Variants in ACO1 observed in about 807,000 individuals in gnomAD.
ACO1 encodes aconitase 1.
Under a neutral mutation model 105.1 loss-of-function variants are expected in ACO1, and 78 were observed. The observed-to-expected ratio is 0.74, with a 90% confidence interval of 0.62 to 0.90. ACO1 has a LOEUF of 0.90. Among genes scored for constraint, ACO1 ranks in the 40% least tolerant of loss-of-function variants. ACO1 has a pLI of 0.00. For missense variants in ACO1, 965 were observed against 1,111.1 expected, an observed-to-expected ratio of 0.87 and a Z score of 1.87; for synonymous variants, 364 against 397.4, an observed-to-expected ratio of 0.92 and a Z score of 1.00.
In ACO1 at chr9:32,443,981, C is replaced by T. The variant is rs551839990; in HGVS notation, c.2370+3394C>T. On this transcript the variant is annotated intron_variant, in intron 19 of 20. Transcript: ENST00000309951. ...GCTATCCCTCCCCTAGCCCCTGACC[C>T]GCCAACAGGCCCCAGTGTGTGATGT... 2.7e-4 allele frequency among the ~76,000 whole-genome samples: 41 copies of T among 152,250 alleles called. No individual in the cohort carries two copies. The South Asian group carries it at 2.9e-3, about 11-fold the overall frequency.
chr9:32,404,252 T>C (rs1821558159), intron 1 of ACO1, among the ~76,000 whole-genome samples: 1 of 152,188 alleles, frequency 6.6e-6, no homozygotes, highest in Admixed American at 6.5e-5. Context: ...TTAAACCTTA[T>C]TTCTTCTCCC....
chr9:32,430,510 C>T lies in ACO1; in HGVS notation c.1662C>T (p.Pro554=). The part of the protein sequence containing the change: ...PNTRANYLAS[P]PLVIAYAIAG... ...CCCGGGCCAACTATTTAGCCTCTCC[C>T]CCCTTAGTAATAGCATATGCAATTG... The change falls in exon 14 of 21, where the codon CCC becomes CCT. Residue 554 remains proline (P), a synonymous_variant. Coordinates refer to ENST00000309951, the MANE Select transcript of ACO1 (RefSeq NM_002197.3). 1 of 1,611,402 alleles carries T rather than the reference C, an allele frequency of 6.2e-7. No individual in the cohort carries two copies. The highest frequency in any genetic ancestry group is 8.5e-7 in the Non-Finnish European group (1 of 1,179,056).
chr9:32,446,512 G>A (rs1822612408), intron 19 of ACO1, among the ~76,000 whole-genome samples: 1 of 152,102 alleles, frequency 6.6e-6, no homozygotes, highest in Admixed American at 6.5e-5. Context: ...TCTGAATGCA[G>A]CACACTGATG....
intron 4 of ACO1, among the ~76,000 whole-genome samples, chr9:32,412,319 G>T (rs1821757766): frequency 6.6e-6 from 1 of 152,182 alleles, no homozygotes; most frequent in South Asian, 2.1e-4. Context: ...GGAATTAAAA[G>T]ATTGGAAAGG....
chr9:32,395,487 C>T (rs1821354514), intron 1 of ACO1, among the ~76,000 whole-genome samples: 1 of 151,926 alleles, frequency 6.6e-6, no homozygotes, highest in African/African-American at 2.4e-5. Flanking sequence ...AAAAACAAAC[C>T]AAAAAACCAA....
At chr9:32,424,996 A>T (rs940313040) in intron 10 of ACO1, among the ~76,000 whole-genome samples, 38 of 151,798 alleles carry the variant, frequency 2.5e-4, no homozygotes, top group African/African-American at 9.2e-4. Context: ...AACTCATATT[A>T]CTCTGTTCTG....
At chr9:32,431,632 C>G in intron 14 of ACO1, 87 bp from the exon 15 acceptor site, 1 of 1,436,254 alleles carries the variant, frequency 7.0e-7, no homozygotes, top group Middle Eastern at 1.8e-4. Flanking sequence ...TAGAACATAA[C>G]TACCGAGGAG....
chr9:32,402,449 G>C (rs578045980), intron 1 of ACO1, among the ~76,000 whole-genome samples: 1 of 152,216 alleles, frequency 6.6e-6, no homozygotes, highest in Non-Finnish European at 1.5e-5. Context: ...CAAGAACAAA[G>C]TAGCAGGAGG....
rs758061524 is a variant in ACO1, at chr9:32,448,893, C to G, written c.2371-3C>G. 6.2e-7 allele frequency: 1 copy of G among 1,614,174 alleles called. No homozygotes were observed. Among genetic ancestry groups the G allele is most frequent in the Non-Finnish European group, 8.5e-7 (1 of 1,180,014 alleles). On this transcript the variant is annotated splice_region_variant and splice_polypyrimidine_tract_variant and intron_variant, in intron 19 of 20. Coordinates refer to ENST00000309951, the MANE Select transcript of ACO1 (RefSeq NM_002197.3). ...TGTCTAAACTACTGTCTTTATTCATCAGGGAATCAAAGCCGTCCTGGCCGA... is the reference window on the plus strand; with the variant it reads ...TGTCTAAACTACTGTCTTTATTCATGAGGGAATCAAAGCCGTCCTGGCCGA...
intron 1 of ACO1, chr9:32,386,550 C>T (rs1362105051): frequency 6.6e-6 from 1 of 152,182 alleles, no homozygotes; most frequent in Non-Finnish European, 1.5e-5. Context: ...CTAACTCCAT[C>T]CTCCCTTTTG....
chr9:32,444,173 G>A (rs59660689), intron 19 of ACO1, among the ~76,000 whole-genome samples: 6,738 of 152,236 alleles, frequency 0.044, 471 homozygotes, highest in African/African-American at 0.15. Flanking sequence ...TGGCTGCATA[G>A]TATTCCATGG....
chr9:32,393,093 A>G (rs1205484784), intron 1 of ACO1, among the ~76,000 whole-genome samples: 1 of 152,228 alleles, frequency 6.6e-6, no homozygotes, highest in Non-Finnish European at 1.5e-5. Flanking sequence ...GGGCTGCTTG[A>G]AAAAAGAACA....
At chr9:32,413,875 C>G (rs1270346040) in intron 4 of ACO1, among the ~76,000 whole-genome samples, 2 of 151,932 alleles carry the variant, frequency 1.3e-5, no homozygotes, top group African/African-American at 4.8e-5. Flanking sequence ...AGTGACTGGG[C>G]ACGGTGGCTC....
At chr9:32,435,268 C>T in intron 17 of ACO1, among the ~76,000 whole-genome samples, 1 of 152,216 alleles carries the variant, frequency 6.6e-6, no homozygotes, top group East Asian at 1.9e-4. Context: ...CTATCCCCAT[C>T]TGCTGAATCA....
rs1335131761 is a variant in ACO1 at position 32,418,516 on chromosome 9, G to A, written c.658+5G>A. 1.2e-6 allele frequency: 2 copies of A among 1,609,730 alleles called. No homozygotes were observed. Among genetic ancestry groups the A allele is most frequent in the Non-Finnish European group, 1.7e-6 (2 of 1,176,646 alleles). ...GCTTGGGCATTCTTGGTTGGGGTGA[G>A]TGTTCTTCCATATATGCTGTTTTGG... On this transcript the variant is annotated splice_donor_5th_base_variant and intron_variant, in intron 6 of 20. Transcript: ENST00000309951.
At chr9:32,417,888 G>A (rs547228391) in intron 4 of ACO1, among the ~76,000 whole-genome samples, 1 of 152,296 alleles carries the variant, frequency 6.6e-6, no homozygotes, top group African/African-American at 2.4e-5. Context: ...TTCAGTTCAT[G>A]TTTTCTGCCT....
At chr9:32,420,178 G>T (rs1295896656) in intron 7 of ACO1, among the ~76,000 whole-genome samples, 1 of 104,198 alleles carries the variant, frequency 9.6e-6, no homozygotes, top group African/African-American at 2.7e-5. Flanking sequence ...AGTCACTGTG[G>T]CCTCACTCCT....
intron 1 of ACO1, among the ~76,000 whole-genome samples, chr9:32,401,525 T>C (rs1172383633): frequency 6.6e-6 from 1 of 152,132 alleles, no homozygotes; most frequent in Admixed American, 6.5e-5. Flanking sequence ...CAACATTCTA[T>C]GTCTCATTAC....
rs549050192 is a variant in ACO1, at chr9:32,424,512, T to C, written c.1072-37T>C. 3.5e-6 allele frequency: 5 copies of C among 1,432,950 alleles called. No individual in the cohort carries two copies. The African/African-American group carries it at 4.2e-5, about 12-fold the overall frequency. The allele number at this position is 1,432,950 out of a possible 1,614,324, so 88.8% of individuals were successfully genotyped here. On this transcript the variant is annotated intron_variant, in intron 9 of 20. Transcript: ENST00000309951. Reference sequence around the variant, plus strand: ...TTGGGTTTCCTCTTTGTGGGTATAATGTAAATTCTATAATTTCTTTTCTTT... The same window carrying C: ...TTGGGTTTCCTCTTTGTGGGTATAACGTAAATTCTATAATTTCTTTTCTTT...
Sources: gnomAD v4.1 joint callset for allele counts (sites outside exome capture counted in the v4.1 genomes callset) on GRCh38, gnomAD v4.1.1 for gene constraint, MANE v1.5 for transcripts, NCBI Gene and HGNC (gene_info 2026-07-23, HGNC 2026-07-21) for gene names.